Variants in OXR1 observed in about 807,000 individuals in gnomAD.
OXR1 encodes the protein oxidation resistance 1.
A neutral mutation model predicts 104.6 loss-of-function variants in OXR1; 41 were observed. That is an observed-to-expected ratio of 0.39 (90% CI 0.31 to 0.51). OXR1 has a LOEUF of 0.51. Among genes scored for constraint, OXR1 ranks in the 20% least tolerant of loss-of-function variants. OXR1 has a pLI of 0.77. For missense variants in OXR1, 955 were observed against 1,031.9 expected, an observed-to-expected ratio of 0.93 and a Z score of 1.02; for synonymous variants, 348 against 348.4, an observed-to-expected ratio of 1.00 and a Z score of 0.01.
intron 2 of OXR1, among the ~76,000 whole-genome samples, chr8:106,419,492 T>C (rs1011177661): frequency 2.6e-5 from 4 of 152,108 alleles, no homozygotes; most frequent in African/African-American, 9.7e-5. Flanking sequence ...ATAGATGAGC[T>C]CATCATATAG....
chr8:106,667,434 G>C (rs562208977), intron 3 of OXR1, among the ~76,000 whole-genome samples: 1 of 152,242 alleles, frequency 6.6e-6, no homozygotes, highest in East Asian at 1.9e-4. Flanking sequence ...GTTAATAAAA[G>C]AAATGCATGT....
chr8:106,404,623 A>G (rs1036657989), intron 2 of OXR1, among the ~76,000 whole-genome samples: 1 of 152,084 alleles, frequency 6.6e-6, no homozygotes, highest in Admixed American at 6.6e-5. Context: ...TTGTCCAGAA[A>G]CATTAGGAGT....
At chr8:106,712,027 A>G (rs895537265) in intron 10 of OXR1, among the ~76,000 whole-genome samples, 12 of 152,086 alleles carry the variant, frequency 7.9e-5, no homozygotes, top group African/African-American at 2.7e-4. Context: ...ATAGATTAAT[A>G]TGTTTCATTG....
intron 9 of OXR1, chr8:106,707,836 T>A (rs1460347614): frequency 6.6e-6 from 1 of 152,254 alleles, no homozygotes; most frequent in Admixed American, 6.5e-5. Context: ...TTAGAATGTT[T>A]ATCCCAGACT....
chr8:106,543,614 T>C (rs1485343119), intron 3 of OXR1, among the ~76,000 whole-genome samples: 1 of 152,176 alleles, frequency 6.6e-6, no homozygotes, highest in African/African-American at 2.4e-5. Context: ...TCTAGATATT[T>C]GACCAAGAAA....
intron 2 of OXR1, among the ~76,000 whole-genome samples, chr8:106,457,471 A>T (rs528927349): frequency 1.2e-4 from 19 of 152,166 alleles, no homozygotes; most frequent in Non-Finnish European, 2.8e-4. Context: ...CTAAGACAGA[A>T]AATTGGTACC....
chr8:106,398,216 C>G (rs756981087), intron 2 of OXR1, among the ~76,000 whole-genome samples: 1 of 152,190 alleles, frequency 6.6e-6, no homozygotes, highest in Non-Finnish European at 1.5e-5. Flanking sequence ...GTGGTCTAGA[C>G]TGTCAGTAAT....
intron 1 of OXR1, among the ~76,000 whole-genome samples, chr8:106,278,509 G>C (rs1812149986): frequency 6.6e-6 from 1 of 151,690 alleles, no homozygotes; most frequent in Admixed American, 6.6e-5. Context: ...AGGTTAACTT[G>C]TTAAATGTAT....
At chr8:106,524,334 A>C (rs2130162790) in intron 3 of OXR1, among the ~76,000 whole-genome samples, 1 of 152,350 alleles carries the variant, frequency 6.6e-6, no homozygotes, top group African/African-American at 2.4e-5. Context: ...GCACACAGGA[A>C]CCAAGCATGT....
In OXR1 at chr8:106,281,346, C is replaced by T. The variant is rs183959511; in HGVS notation, c.-139+10979C>T. On this transcript the variant is annotated intron_variant, in intron 1 of 16. Coordinates refer to ENST00000517566, the MANE Select transcript of OXR1 (RefSeq NM_001198533.2). ...GTTGAGGAATGGATAAACAAATAGT[C>T]ATGGATTCCACAGAATAGAATTTTA... 9.1e-4 allele frequency among the ~76,000 whole-genome samples: 138 copies of T among 152,192 alleles called. 2 individuals are homozygous for T. The highest frequency in any genetic ancestry group is 9.0e-3 in the Admixed American group (138 of 15,280).
intron 2 of OXR1, among the ~76,000 whole-genome samples, chr8:106,511,548 C>T (rs376237923): frequency 2.0e-4 from 16 of 80,582 alleles, no homozygotes; most frequent in African/African-American, 5.6e-4. Flanking sequence ...CACACACACT[C>T]TCTCTCATAC....
At chr8:106,702,820 A>G in intron 7 of OXR1, 86 bp from the exon 8 acceptor site, 1 of 1,038,386 alleles carries the variant, frequency 9.6e-7, no homozygotes, top group Non-Finnish European at 1.4e-6. Flanking sequence ...ATGGCCTAAC[A>G]TCAGAAGAAA....
intron 3 of OXR1, among the ~76,000 whole-genome samples, chr8:106,553,445 C>A (rs868742419): frequency 5.5e-4 from 83 of 151,790 alleles, no homozygotes; most frequent in African/African-American, 1.8e-3. Context: ...CAGCCTCCCC[C>A]ATAGGTGGGA....
intron 2 of OXR1, among the ~76,000 whole-genome samples, chr8:106,419,697 T>C (rs560870167): frequency 6.6e-6 from 1 of 152,276 alleles, no homozygotes; most frequent in Non-Finnish European, 1.5e-5. Context: ...GGTTCTTTGT[T>C]TCTTATTTGG....
At chr8:106,420,067 C>T (rs1818842353) in intron 2 of OXR1, among the ~76,000 whole-genome samples, 1 of 151,926 alleles carries the variant, frequency 6.6e-6, no homozygotes, top group Admixed American at 6.6e-5. Context: ...TAAGTATAAA[C>T]ATGTATGAAT....
intron 2 of OXR1, among the ~76,000 whole-genome samples, chr8:106,441,183 A>G (rs188371533): frequency 2.0e-5 from 3 of 151,934 alleles, no homozygotes; most frequent in Admixed American, 6.6e-5. Context: ...TCCTTTCCCC[A>G]TTGCTTGTTT....
chr8:106,358,955 T>A (rs1005872416), intron 1 of OXR1, among the ~76,000 whole-genome samples: 1 of 152,088 alleles, frequency 6.6e-6, no homozygotes, highest in Non-Finnish European at 1.5e-5. Flanking sequence ...ATTCACCGTC[T>A]TATTTAGCGA....
intron 2 of OXR1, among the ~76,000 whole-genome samples, chr8:106,378,926 T>C (rs1185750874): frequency 6.6e-6 from 1 of 152,218 alleles, no homozygotes; most frequent in Non-Finnish European, 1.5e-5. Flanking sequence ...TCTTATACCC[T>C]TTTTCAATCA....
chr8:106,342,401 C>T (rs1815294417), intron 1 of OXR1, among the ~76,000 whole-genome samples: 1 of 151,972 alleles, frequency 6.6e-6, no homozygotes, highest in African/African-American at 2.4e-5. Context: ...CAGGTGCCCA[C>T]CACCATGCCT....
Sources: allele counts gnomAD v4.1 joint callset (sites outside exome capture counted in the v4.1 genomes callset), GRCh38; gene constraint gnomAD v4.1.1; transcripts MANE v1.5; gene names NCBI Gene and HGNC (gene_info 2026-07-23, HGNC 2026-07-21).